ESR1: variants seen among roughly 807,000 people sequenced by gnomAD.
The protein encoded by ESR1 is estrogen receptor 1.
ESR1 carries 12 observed loss-of-function variants against 52.7 expected under a neutral mutation model. The observed-to-expected ratio is 0.23, with a 90% CI of 0.15 to 0.37. ESR1 has a LOEUF of 0.37. Ranked by LOEUF, ESR1 falls within the 10% of genes least tolerant of loss-of-function variation. The pLI is 1.00. For missense variants in ESR1, 584 were observed against 779.7 expected, an observed-to-expected ratio of 0.75 and a Z score of 2.99; for synonymous variants, 305 against 316.8, an observed-to-expected ratio of 0.96 and a Z score of 0.39.
At chr6:152,046,513 G>A (rs2046241091) in intron 5 of ESR1, among the ~76,000 whole-genome samples, 1 of 152,162 alleles carries the variant, frequency 6.6e-6, no homozygotes, top group Non-Finnish European at 1.5e-5. Flanking sequence ...CATATTGACT[G>A]TATTTTCATT....
chr6:151,897,133 G>A (rs550321108), intron 3 of ESR1, among the ~76,000 whole-genome samples: 1 of 152,298 alleles, frequency 6.6e-6, no homozygotes, highest in African/African-American at 2.4e-5. Context: ...TGCATACGCT[G>A]ATGAATAGAA....
chr6:151,857,535 T>C (rs1318154522), intron 2 of ESR1, among the ~76,000 whole-genome samples: 3 of 151,744 alleles, frequency 2.0e-5, no homozygotes, highest in Admixed American at 1.3e-4. Context: ...TTTTTTTTCT[T>C]TTTTTTAATT....
At chr6:151,679,741 A>G (rs919383599) in intron 1 of ESR1, among the ~76,000 whole-genome samples, 3 of 152,218 alleles carry the variant, frequency 2.0e-5, no homozygotes, top group Middle Eastern at 3.4e-3. Context: ...GCTGGTGCCA[A>G]TTTGACTGCA....
chr6:152,057,185 A>G (rs1043793671), intron 5 of ESR1, among the ~76,000 whole-genome samples: 1 of 152,162 alleles, frequency 6.6e-6, no homozygotes, highest in African/African-American at 2.4e-5. Context: ...CAAAGTCCAC[A>G]TAGATATGTG....
chr6:152,099,028 C>A lies in ESR1; in HGVS notation c.*62C>A. 7.2e-7 allele frequency: 1 copy of A among 1,380,036 alleles called. No homozygotes were observed. Among genetic ancestry groups the A allele is most frequent in the Non-Finnish European group, 1.0e-6 (1 of 978,124 alleles). 85.5% of individuals were successfully genotyped at this position (1,380,036 alleles called of 1,614,324 possible). A position where few individuals can be genotyped will look rare whatever the true frequency, so the allele number is the denominator to read the frequency against. ...GCTGCATTTTACCCTCATCATGCAC[C>A]ACTTTAGCCAAATTCTGTCTCCTGC... On this transcript the variant is annotated 3_prime_UTR_variant, in exon 8 of 8. Coordinates refer to ENST00000206249, the MANE Select transcript of ESR1 (RefSeq NM_000125.4).
intron 2 of ESR1, among the ~76,000 whole-genome samples, chr6:151,798,762 C>G (rs1386921448): frequency 1.3e-5 from 2 of 152,090 alleles, no homozygotes; most frequent in African/African-American, 4.8e-5. Context: ...ATTATATTTG[C>G]AAGTTTGTAC....
chr6:151,887,971 C>G (rs756411262), intron 3 of ESR1, among the ~76,000 whole-genome samples: 2 of 152,118 alleles, frequency 1.3e-5, no homozygotes, highest in Non-Finnish European at 2.9e-5. Context: ...GTGCTTTTAG[C>G]AGCTTTGTCA....
intron 6 of ESR1, among the ~76,000 whole-genome samples, chr6:152,080,179 GAC>G (rs2049073449): frequency 2.0e-5 from 3 of 151,956 alleles, no homozygotes; most frequent in African/African-American, 7.3e-5. Context: ...GCAACCCCAA[GAC>G]ACATAATTTT....
chr6:152,089,609 C>T (rs917605670), intron 6 of ESR1, among the ~76,000 whole-genome samples: 5 of 152,152 alleles, frequency 3.3e-5, no homozygotes, highest in Non-Finnish European at 7.3e-5. Flanking sequence ...GACGGAGTCT[C>T]ACTCTGTCAC....
At chr6:151,699,091 C>T (rs966601573) in intron 1 of ESR1, among the ~76,000 whole-genome samples, 4 of 152,146 alleles carry the variant, frequency 2.6e-5, no homozygotes, top group East Asian at 1.9e-4. Context: ...GAACAGTTCA[C>T]GTATTATTCC....
At chr6:151,808,490 G>T (rs1467790576) in intron 1 of ESR1, 126 bp downstream of exon 1, 2 of 831,732 alleles carry the variant, frequency 2.4e-6, no homozygotes, top group East Asian at 3.3e-5. Flanking sequence ...GAGGGTGCGC[G>T]CAGGGAGCCC....
At chr6:151,700,674 T>C (rs1297142741) in intron 1 of ESR1, among the ~76,000 whole-genome samples, 2 of 143,636 alleles carry the variant, frequency 1.4e-5, no homozygotes, top group East Asian at 4.1e-4. Flanking sequence ...TTTCCTTTTT[T>C]TTTTTTTTTT....
chr6:152,106,297 G>A (rs1450212889), downstream of ESR1, among the ~76,000 whole-genome samples: 2 of 152,076 alleles, frequency 1.3e-5, no homozygotes, highest in African/African-American at 4.8e-5. Flanking sequence ...CAAGAAATGA[G>A]AAAAAAATTT....
intron 2 of ESR1, among the ~76,000 whole-genome samples, chr6:151,708,320 T>C (rs1780332506): frequency 6.6e-6 from 1 of 152,186 alleles, no homozygotes; most frequent in Non-Finnish European, 1.5e-5. Context: ...AGTAATCTGC[T>C]TTCAGCTGAT....
intron 6 of ESR1, among the ~76,000 whole-genome samples, chr6:152,120,515 C>T (rs557252742): frequency 6.6e-5 from 10 of 152,220 alleles, no homozygotes; most frequent in African/African-American, 1.2e-4. Context: ...GACAATCTGA[C>T]GGCAAGAAGC....
At chr6:152,008,259 A>T (rs2042492184) in intron 4 of ESR1, among the ~76,000 whole-genome samples, 1 of 152,136 alleles carries the variant, frequency 6.6e-6, no homozygotes, top group Non-Finnish European at 1.5e-5. Context: ...TGACCCAGGA[A>T]CTTGCAGAGC....
intron 5 of ESR1, among the ~76,000 whole-genome samples, chr6:152,038,911 T>C (rs1287663882): frequency 6.6e-6 from 1 of 152,050 alleles, no homozygotes; most frequent in Non-Finnish European, 1.5e-5. Flanking sequence ...CCCAAAGTGA[T>C]CCACCCACCT....
intron 2 of ESR1, among the ~76,000 whole-genome samples, chr6:151,859,855 C>T (rs1562486009): frequency 1.3e-5 from 2 of 152,158 alleles, no homozygotes; most frequent in African/African-American, 4.8e-5. Context: ...ATGCTGATGT[C>T]TACTATGTTT....
At chr6:151,956,962 C>T (rs1368006889) in intron 4 of ESR1, among the ~76,000 whole-genome samples, 12 of 150,100 alleles carry the variant, frequency 8.0e-5, no homozygotes, top group African/African-American at 1.7e-4. Flanking sequence ...CTGTAAGCTC[C>T]GCCTCCTGGG....
Sources: allele counts gnomAD v4.1 joint callset (sites outside exome capture counted in the v4.1 genomes callset), GRCh38; gene constraint gnomAD v4.1.1; transcripts MANE v1.5; gene names NCBI Gene and HGNC (gene_info 2026-07-23, HGNC 2026-07-21).